Variants in PALLD observed in about 807,000 individuals in gnomAD.
The protein encoded by PALLD is palladin.
Under a neutral mutation model 123.5 loss-of-function variants are expected in PALLD, and 61 were observed. The ratio of observed to expected loss-of-function variants is 0.49; its 90% CI spans 0.40 to 0.61. The LOEUF is 0.61. Among genes scored for constraint, PALLD ranks in the 20% least tolerant of loss-of-function variants. PALLD has a pLI of 0.00. For synonymous variants in PALLD, 465 were observed against 496.4 expected, an observed-to-expected ratio of 0.94 and a Z score of 0.84; for missense variants, 1,273 against 1,377.0, an observed-to-expected ratio of 0.92 and a Z score of 1.20.
chr4:168,567,947 T>C (rs965688206), intron 2 of PALLD, among the ~76,000 whole-genome samples: 6 of 152,004 alleles, frequency 3.9e-5, no homozygotes, highest in Admixed American at 2.6e-4. Context: ...ATCTATAAAG[T>C]TTTTTAAAAA....
At chr4:168,581,534 T>C (rs1397049249) in intron 2 of PALLD, among the ~76,000 whole-genome samples, 2 of 152,038 alleles carry the variant, frequency 1.3e-5, no homozygotes, top group Non-Finnish European at 2.9e-5. Context: ...TTGTTGGCCA[T>C]TTGTTTTCTT....
At position 168,898,527 on chromosome 4, in the gene PALLD, T is replaced by C. The variant is rs757164572; in HGVS notation, c.2285T>C (p.Ile762Thr). 26 of 1,613,418 alleles carry C rather than the reference T, an allele frequency of 1.6e-5. No individual in the cohort carries two copies. Among genetic ancestry groups the C allele is most frequent in the Admixed American group, 3.3e-5 (2 of 60,002 alleles). ...GTCTCCAGCTGTGAACAGAGACTCA[T>C]CAGTGAAATAGAGTACAGGCTAGAA... Reference protein sequence around the residue: ...YKVSSCEQRLISEIEYRLERS... With the variant: ...YKVSSCEQRLTSEIEYRLERS... Residue 762 changes from isoleucine (I) to threonine (T), a missense_variant, in exon 14 of 22, where the codon ATC (isoleucine) becomes ACC (threonine). Physicochemically the swap from Ile to Thr is moderately conservative, Grantham distance 89. Coordinates refer to ENST00000505667, the MANE Select transcript of PALLD (RefSeq NM_001166108.2).
intron 10 of PALLD, among the ~76,000 whole-genome samples, chr4:168,809,942 G>T (rs1186371982): frequency 6.6e-6 from 1 of 152,094 alleles, no homozygotes; most frequent in Non-Finnish European, 1.5e-5. Context: ...AGTCAGGGAA[G>T]TGTTAATAGA....
At chr4:168,887,127 A>G (rs564619891) in intron 10 of PALLD, among the ~76,000 whole-genome samples, 2 of 148,018 alleles carry the variant, frequency 1.4e-5, no homozygotes, top group South Asian at 2.1e-4. Flanking sequence ...AAAAAAAAAA[A>G]AAAAAGAAAA....
At chr4:168,597,135 G>A (rs937435653) in intron 2 of PALLD, among the ~76,000 whole-genome samples, 1 of 151,986 alleles carries the variant, frequency 6.6e-6, no homozygotes, top group Admixed American at 6.6e-5. Context: ...GACAACTCTG[G>A]CAAAGATAAT....
intron 2 of PALLD, among the ~76,000 whole-genome samples, chr4:168,543,143 G>T (rs1765805326): frequency 6.6e-6 from 1 of 152,000 alleles, no homozygotes; most frequent in Non-Finnish European, 1.5e-5. Context: ...CCACTTCCTA[G>T]CTCCATCATT....
At chr4:168,552,123 TCA>T (rs1200180516) in intron 2 of PALLD, among the ~76,000 whole-genome samples, 1 of 152,142 alleles carries the variant, frequency 6.6e-6, no homozygotes, top group Non-Finnish European at 1.5e-5. Context: ...AAACTGAGTC[TCA>T]GAGATGTTAG....
At chr4:168,624,935 C>T (rs1451764328) in intron 2 of PALLD, among the ~76,000 whole-genome samples, 1 of 152,012 alleles carries the variant, frequency 6.6e-6, no homozygotes, top group Non-Finnish European at 1.5e-5. Flanking sequence ...AAAGATCTAC[C>T]TTTTTCTTAG....
At chr4:168,820,060 T>TTAC (rs1742501838) in intron 10 of PALLD, among the ~76,000 whole-genome samples, 1 of 152,268 alleles carries the variant, frequency 6.6e-6, no homozygotes, top group South Asian at 2.1e-4. Context: ...TCCATCAGTC[T>TTAC]TACTTCGAAA....
intron 8 of PALLD, 139 bp downstream of exon 8, chr4:168,691,431 C>G (rs1007625759): frequency 2.9e-6 from 2 of 698,190 alleles, no homozygotes; most frequent in Non-Finnish European, 5.0e-6. Flanking sequence ...ATGTGAAACC[C>G]CCTTAAAAAC....
chr4:168,681,986 T>C (rs1359437060), intron 4 of PALLD, among the ~76,000 whole-genome samples: 1 of 152,162 alleles, frequency 6.6e-6, no homozygotes, highest in Admixed American at 6.5e-5. Flanking sequence ...GAAAGAGAAG[T>C]CACATTAAGA....
intron 1 of PALLD, among the ~76,000 whole-genome samples, chr4:168,500,641 G>T (rs1273861179): frequency 6.6e-6 from 1 of 152,134 alleles, no homozygotes; most frequent in African/African-American, 2.4e-5. Context: ...CTCCAACAGT[G>T]CTGGGAGTAC....
At chr4:168,893,969 C>T (rs977856228) in intron 11 of PALLD, among the ~76,000 whole-genome samples, 41 of 152,150 alleles carry the variant, frequency 2.7e-4, no homozygotes, top group African/African-American at 9.4e-4. Context: ...TAATAGTTGC[C>T]GCCAATCCCC....
Position 168,850,415 on chromosome 4 carries a change from C to T in PALLD, c.1965-40507C>T, listed in dbSNP as rs563558648. On this transcript the variant is annotated intron_variant, in intron 10 of 21. Transcript: ENST00000505667. Reference sequence around the variant, plus strand: ...TTCATAAAAGTCCTCTAGAAGATAACGATTGTTCACATTGCAAACCTGTTT... The same window carrying T: ...TTCATAAAAGTCCTCTAGAAGATAATGATTGTTCACATTGCAAACCTGTTT... Among the ~76,000 whole-genome samples, 18 of 151,034 alleles carry T rather than the reference C, an allele frequency of 1.2e-4. No homozygotes were observed. The South Asian group carries it at 3.1e-3, about 26-fold the overall frequency.
At chr4:168,631,657 G>C in intron 2 of PALLD, 1 of 985,500 alleles carries the variant, frequency 1.0e-6, no homozygotes, top group Non-Finnish European at 1.2e-6. Flanking sequence ...CCGAGCCTGA[G>C]TCGTGGCCGC....
intron 10 of PALLD, among the ~76,000 whole-genome samples, chr4:168,784,438 T>C (rs1019869346): frequency 6.6e-6 from 1 of 152,174 alleles, no homozygotes; most frequent in African/African-American, 2.4e-5. Flanking sequence ...GGGAGAATTA[T>C]TTTGTGGGAA....
intron 1 of PALLD, among the ~76,000 whole-genome samples, chr4:168,503,503 C>T (rs1032265683): frequency 9.2e-5 from 14 of 152,018 alleles, no homozygotes; most frequent in Middle Eastern, 3.4e-3. Context: ...AAAAATTAGC[C>T]GGGCATGGTG....
chr4:168,662,745 G>C (rs530593366), intron 2 of PALLD, among the ~76,000 whole-genome samples: 1 of 152,170 alleles, frequency 6.6e-6, no homozygotes, highest in South Asian at 2.1e-4. Context: ...TAAATGTTTT[G>C]AGTTCTTTGC....
chr4:168,645,912 T>C (rs1015219052), intron 2 of PALLD, among the ~76,000 whole-genome samples: 2 of 152,108 alleles, frequency 1.3e-5, no homozygotes, highest in Admixed American at 6.6e-5. Context: ...AAGTAACATA[T>C]GGAAAACTCT....
Sources: gnomAD v4.1 joint callset for allele counts (sites outside exome capture counted in the v4.1 genomes callset) on GRCh38, gnomAD v4.1.1 for gene constraint, MANE v1.5 for transcripts, NCBI Gene and HGNC (gene_info 2026-07-23, HGNC 2026-07-21) for gene names.